Variants in SPON1 observed in about 807,000 individuals in gnomAD.
SPON1 encodes the protein spondin 1, also known as spondin-1.
In SPON1, 52 loss-of-function variants were observed where a neutral mutation model predicts 111.7. The ratio of observed to expected loss-of-function variants is 0.47; its 90% CI spans 0.37 to 0.59. The LOEUF (loss-of-function observed/expected upper bound fraction) is 0.59, where lower values mean the gene tolerates loss of function less well. SPON1 is among the 20% of genes least tolerant of loss of function. The pLI is 0.00. For missense variants in SPON1, 957 were observed against 1,068.5 expected (o/e 0.90, Z 1.46); for synonymous variants, 410 against 395.8 (o/e 1.04, Z -0.43).
At position 14,160,939 on chromosome 11, in the gene SPON1, ATATATT is replaced by A. The variant is rs1208849021; in HGVS notation, c.825+25377_825+25382del. Reference sequence around the variant, plus strand: ...TATTTATATATTTATATATTTATATATATATTTATATATTTATATATATTTATATAT... The same window carrying A: ...TATTTATATATTTATATATTTATATATATATATTTATATATATTTATATAT... On this transcript the variant is annotated intron_variant, in intron 6 of 15. Transcript: ENST00000576479. 4.6e-3 allele frequency among the ~76,000 whole-genome samples: 237 copies of A among 52,070 alleles called. 28 individuals carry two copies. The highest frequency in any genetic ancestry group is 0.016 in the African/African-American group (227 of 14,460). The allele number at this position is 52,070 out of a possible 152,430, so 34.2% of individuals were successfully genotyped here.
intron 5 of SPON1, among the ~76,000 whole-genome samples, chr11:14,120,899 A>G (rs1204653983): frequency 4.6e-5 from 7 of 152,214 alleles, no homozygotes; most frequent in African/African-American, 7.2e-5. Flanking sequence ...GAGAATTTAC[A>G]TAGTTTGTTC....
At chr11:14,092,700 A>G (rs782779697) in intron 5 of SPON1, among the ~76,000 whole-genome samples, 2 of 152,170 alleles carry the variant, frequency 1.3e-5, no homozygotes, top group Non-Finnish European at 2.9e-5. Context: ...TTGTAATGCT[A>G]TAGATCTCTG....
At chr11:13,992,655 C>T (rs1554911330) in intron 2 of SPON1, among the ~76,000 whole-genome samples, 1 of 152,158 alleles carries the variant, frequency 6.6e-6, no homozygotes. Context: ...CAAATGGCCA[C>T]CCGGTTTTGT....
intron 5 of SPON1, among the ~76,000 whole-genome samples, chr11:14,107,919 AG>A (rs1301819880): frequency 2.6e-5 from 4 of 152,184 alleles, no homozygotes; most frequent in Non-Finnish European, 5.9e-5. Flanking sequence ...GTTGAATCTG[AG>A]ACTTACTAGA....
At chr11:14,094,365 C>A (rs1195908324) in intron 5 of SPON1, among the ~76,000 whole-genome samples, 1 of 152,028 alleles carries the variant, frequency 6.6e-6, no homozygotes, top group Non-Finnish European at 1.5e-5. Flanking sequence ...ATACATCTTG[C>A]CAGATTCTTC....
At chr11:14,071,763 G>T (rs955593897) in intron 3 of SPON1, among the ~76,000 whole-genome samples, 1 of 152,062 alleles carries the variant, frequency 6.6e-6, no homozygotes, top group East Asian at 1.9e-4. Context: ...CCAGGCTGGA[G>T]TTCAGTGGTG....
At chr11:14,239,755 A>T (rs1848905057) in intron 6 of SPON1, among the ~76,000 whole-genome samples, 1 of 152,214 alleles carries the variant, frequency 6.6e-6, no homozygotes, top group African/African-American at 2.4e-5. Flanking sequence ...GAGCTAGTAA[A>T]TGGTACCATT....
chr11:13,991,508 A>G (rs183478088), intron 2 of SPON1, among the ~76,000 whole-genome samples: 1,653 of 152,266 alleles, frequency 0.011, 90 homozygotes, highest in Admixed American at 0.089. Context: ...GCTTCCTTGC[A>G]TTGGGTTAGA....
At chr11:14,193,636 G>A (rs1848370680) in intron 6 of SPON1, among the ~76,000 whole-genome samples, 1 of 152,132 alleles carries the variant, frequency 6.6e-6, no homozygotes. Flanking sequence ...AGTCTTCTGA[G>A]GCTCTGCCTT....
At chr11:14,121,101 T>C (rs1365631529) in intron 5 of SPON1, among the ~76,000 whole-genome samples, 2 of 152,222 alleles carry the variant, frequency 1.3e-5, no homozygotes, top group Non-Finnish European at 2.9e-5. Flanking sequence ...AGACCACTTA[T>C]ATCTTGGAAA....
At chr11:14,213,099 C>T (rs1270865265) in intron 6 of SPON1, among the ~76,000 whole-genome samples, 4 of 152,140 alleles carry the variant, frequency 2.6e-5, no homozygotes, top group African/African-American at 7.2e-5. Flanking sequence ...GCCTTTAGGG[C>T]CTGGAAACAG....
rs11343423 is a variant in SPON1, at chr11:14,197,648, C to CA, written c.826-45666dup. ...TGGAACCGCACCTCTACTAAATATA[C>CA]AAAAAAAAAAAAAAAAAATTAGCTG... On this transcript the variant is annotated intron_variant, in intron 6 of 15. Transcript: ENST00000576479. 6.2e-3 allele frequency among the ~76,000 whole-genome samples: 740 copies of CA among 119,886 alleles called. 9 individuals carry two copies. Among genetic ancestry groups the CA allele is most frequent in the East Asian group, 0.012 (54 of 4,378 alleles). The allele number at this position is 119,886 out of a possible 152,430, so 78.6% of individuals were successfully genotyped here.
At chr11:14,185,378 C>A (rs1265396972) in intron 6 of SPON1, among the ~76,000 whole-genome samples, 1 of 152,186 alleles carries the variant, frequency 6.6e-6, no homozygotes, top group African/African-American at 2.4e-5. Flanking sequence ...TTACTATCAA[C>A]TTTGAATGTA....
chr11:13,973,054 T>G (rs1334667940), intron 1 of SPON1, among the ~76,000 whole-genome samples: 4 of 152,196 alleles, frequency 2.6e-5, no homozygotes, highest in African/African-American at 9.7e-5. Context: ...TGTTTTGCCC[T>G]CATTTTTTCT....
In SPON1 at chr11:14,265,595, T is replaced by C. The variant is rs534545540; in HGVS notation, c.2332T>C (p.Tyr778His). The C allele has an allele frequency of 1.2e-6, 2 of 1,613,672 alleles. No homozygotes were observed. The highest frequency in any genetic ancestry group is 2.2e-5 in the East Asian group (1 of 44,888). The change falls in exon 16 of 16, where the codon TAC (tyrosine) becomes CAC (histidine). Residue 778 changes from tyrosine to histidine, a missense_variant. By Grantham distance (83) the Tyr-to-His change is moderately conservative. This residue lies in a region of SPON1 where 549 missense variants were observed against 606.2 expected (regional missense o/e 0.91). Transcript: ENST00000576479. ...KLCGGGIQERYMTVKKRFKSS... is the reference protein window; with the variant it reads ...KLCGGGIQERHMTVKKRFKSS... ...GTGCGGAGGTGGAATTCAGGAACGT[T>C]ACATGACTGTAAAGAAGAGATTCAA...
intron 6 of SPON1, among the ~76,000 whole-genome samples, chr11:14,138,539 C>T (rs187313191): frequency 6.4e-4 from 98 of 152,112 alleles, no homozygotes; most frequent in Non-Finnish European, 1.1e-3. Context: ...GCAAATGTGT[C>T]CTGGTGGCCA....
chr11:14,086,068 A>G lies in SPON1; in HGVS notation c.676+6047A>G, dbSNP rs532725619. Reference sequence around the variant, plus strand: ...AAGCTGAGATGATGGGGTTTTCTAAATATACAATCATGTCATCTGCAAACA... The same window carrying G: ...AAGCTGAGATGATGGGGTTTTCTAAGTATACAATCATGTCATCTGCAAACA... On this transcript the variant is annotated intron_variant, in intron 5 of 15. Transcript: ENST00000576479. Among the ~76,000 whole-genome samples, 9 of 152,288 alleles carry G rather than the reference A, an allele frequency of 5.9e-5. No individual in the cohort carries two copies. The South Asian group carries it at 1.2e-3, about 21-fold the overall frequency.
chr11:14,141,085 A>G (rs1847651184), intron 6 of SPON1, among the ~76,000 whole-genome samples: 1 of 138,806 alleles, frequency 7.2e-6, no homozygotes, highest in Non-Finnish European at 1.5e-5. Flanking sequence ...ATGGGCTTCT[A>G]AACCCCCGCC....
intron 3 of SPON1, among the ~76,000 whole-genome samples, chr11:14,067,155 C>T (rs758685534): frequency 5.3e-5 from 8 of 151,536 alleles, no homozygotes; most frequent in Non-Finnish European, 7.4e-5. Context: ...CCAGCCTGGG[C>T]GAGACAGTGA....
Sources: allele counts gnomAD v4.1 joint callset (sites outside exome capture counted in the v4.1 genomes callset), GRCh38; gene constraint gnomAD v4.1.1; regional missense constraint gnomAD v4.1.1; transcripts MANE v1.5; gene names NCBI Gene and HGNC (gene_info 2026-07-23, HGNC 2026-07-21).